Variants in COL13A1 observed in about 807,000 individuals in gnomAD.
COL13A1 encodes the protein collagen type XIII alpha 1 chain.
A neutral mutation model predicts 130.9 loss-of-function variants in COL13A1; 89 were observed. That is an observed-to-expected ratio of 0.68 (90% confidence interval 0.57 to 0.81). The LOEUF (loss-of-function observed/expected upper bound fraction) is 0.81, where lower values mean the gene tolerates loss of function less well. COL13A1 is among the 30% of genes least tolerant of loss of function. COL13A1 has a pLI of 0.00. For missense variants in COL13A1, 879 were observed against 934.6 expected (o/e 0.94, Z 0.78); for synonymous variants, 402 against 341.6 (o/e 1.18, Z -1.95).
chr10:69,824,667 C>T (rs964432799), intron 2 of COL13A1, among the ~76,000 whole-genome samples: 2 of 152,176 alleles, frequency 1.3e-5, no homozygotes, highest in African/African-American at 4.8e-5. Context: ...AGGGCTTGAC[C>T]TTGGTCCTCT....
At position 69,934,562 on chromosome 10, in the gene COL13A1, C is replaced by T. The variant is rs563421626; in HGVS notation, c.1729-788C>T. Among the ~76,000 whole-genome samples the T allele has an allele frequency of 1.4e-3, 208 of 152,326 alleles. 4 individuals carry two copies. In the South Asian group the frequency reaches 0.039, roughly 29 times the overall value. On this transcript the variant is annotated intron_variant, in intron 31 of 40. Transcript: ENST00000645393. ...AGGCACCTGAGGAGAGCCCTGAAGC[C>T]GAGGCGGGGTGAGCAGCTCAGAAGG... is the stretch of plus-strand genomic sequence containing the variant.
chr10:69,899,099 C>T (rs2061943209), intron 14 of COL13A1, among the ~76,000 whole-genome samples: 1 of 152,180 alleles, frequency 6.6e-6, no homozygotes, highest in African/African-American at 2.4e-5. Flanking sequence ...ATGAGGAAAT[C>T]GAGGCTCAGA....
chr10:69,887,913 A>G (rs2060760788), intron 8 of COL13A1, among the ~76,000 whole-genome samples: 1 of 152,098 alleles, frequency 6.6e-6, no homozygotes, highest in Non-Finnish European at 1.5e-5. Context: ...TATGGGGCCT[A>G]AGGCAGGTTC....
At chr10:69,841,558 G>A (rs1418201275) in intron 2 of COL13A1, among the ~76,000 whole-genome samples, 1 of 152,204 alleles carries the variant, frequency 6.6e-6, no homozygotes, top group Non-Finnish European at 1.5e-5. Context: ...TCCATGCCAT[G>A]CCTTTGCTAG....
At chr10:69,918,969 G>A (rs1226034309) in intron 19 of COL13A1, 93 bp from the exon 20 acceptor site, 10 of 1,485,314 alleles carry the variant, frequency 6.7e-6, no homozygotes, top group Non-Finnish European at 9.4e-6. Flanking sequence ...ACCCCACCCT[G>A]ACTGCCCCCA....
intron 17 of COL13A1, among the ~76,000 whole-genome samples, chr10:69,916,192 C>A (rs138217184): frequency 2.3e-3 from 347 of 152,286 alleles, no homozygotes; most frequent in African/African-American, 7.8e-3. Flanking sequence ...ACACCAGATC[C>A]CCTCTGCCTT....
chr10:69,810,374 G>C (rs1253196136), intron 1 of COL13A1, among the ~76,000 whole-genome samples: 1 of 151,352 alleles, frequency 6.6e-6, no homozygotes, highest in Non-Finnish European at 1.5e-5. Flanking sequence ...GAGAGAGAGA[G>C]AGAGAGACAG....
chr10:69,804,916 A>G (rs1841119942), intron 1 of COL13A1, among the ~76,000 whole-genome samples: 1 of 149,770 alleles, frequency 6.7e-6, no homozygotes, highest in Non-Finnish European at 1.5e-5. Context: ...GGTGGCAGTC[A>G]TGGCAGGCTT....
intron 2 of COL13A1, among the ~76,000 whole-genome samples, chr10:69,826,170 T>A (rs1251770572): frequency 4.6e-5 from 7 of 152,196 alleles, no homozygotes; most frequent in Non-Finnish European, 8.8e-5. Flanking sequence ...CAGGACATTA[T>A]AGTCTAGCCA....
chr10:69,893,527 T>C (rs35156591), intron 10 of COL13A1, among the ~76,000 whole-genome samples: 1 of 152,198 alleles, frequency 6.6e-6, no homozygotes, highest in Non-Finnish European at 1.5e-5. Context: ...CATCACAGCA[T>C]GCTGCGGCCA....
At chr10:69,817,198 A>T (rs1189754868) in intron 1 of COL13A1, among the ~76,000 whole-genome samples, 1 of 152,062 alleles carries the variant, frequency 6.6e-6, no homozygotes, top group Non-Finnish European at 1.5e-5. Context: ...CCCCTGATGT[A>T]AATGATCCAA....
At position 69,925,043 on chromosome 10, in the gene COL13A1, G is replaced by C. The variant is rs201059119; in HGVS notation, c.1329+36G>C. On this transcript the variant is annotated intron_variant, in intron 25 of 40. Coordinates refer to ENST00000645393, the MANE Select transcript of COL13A1 (RefSeq NM_001368882.1). ...CTCCCTCCTGGAGTCACAGCGTGAAGCGGCTGGTAAATCAAAAAAGCATCT... is the reference window on the plus strand; with the variant it reads ...CTCCCTCCTGGAGTCACAGCGTGAACCGGCTGGTAAATCAAAAAAGCATCT... The C allele has an allele frequency of 2.7e-6, 4 of 1,506,822 alleles. No individual in the cohort carries two copies. In the East Asian group the frequency reaches 1.0e-4, roughly 38 times the overall value. 93.3% of individuals were successfully genotyped at this position (1,506,822 alleles called of 1,614,324 possible).
chr10:69,887,499 G>A lies in COL13A1; in HGVS notation c.549+8G>A, dbSNP rs1450902533. On this transcript the variant is annotated splice_region_variant and intron_variant, in intron 8 of 40. Transcript: ENST00000645393. Reference sequence around the variant, plus strand: ...GGTTTCCCTGGATTTCCGGTAAGTGGAGAAGGCTGAAGTTAGCTGTGTCCC... The same window carrying A: ...GGTTTCCCTGGATTTCCGGTAAGTGAAGAAGGCTGAAGTTAGCTGTGTCCC... 5.0e-6 allele frequency: 8 copies of A among 1,613,570 alleles called. No homozygotes were observed. The highest frequency in any genetic ancestry group is 6.8e-6 in the Non-Finnish European group (8 of 1,179,822).
intron 10 of COL13A1, among the ~76,000 whole-genome samples, chr10:69,891,552 T>C (rs2061172433): frequency 6.6e-6 from 1 of 152,196 alleles, no homozygotes; most frequent in Non-Finnish European, 1.5e-5. Flanking sequence ...CTGCCTCCGC[T>C]GCAAATGCAT....
intron 15 of COL13A1, 117 bp downstream of exon 15, chr10:69,902,972 T>C (rs1428949465): frequency 1.7e-5 from 13 of 751,330 alleles, no homozygotes; most frequent in East Asian, 9.0e-5. Flanking sequence ...GGCAGGGCCA[T>C]TGGATGTGGG....
rs753393306 is a variant in COL13A1 at position 69,888,289 on chromosome 10, C to G, written c.550-15C>G. 4.3e-6 allele frequency: 7 copies of G among 1,612,726 alleles called. No homozygotes were observed. The highest frequency in any genetic ancestry group is 5.1e-6 in the Non-Finnish European group (6 of 1,179,426). ...TGTGATGCTCAGTCTTTACATCTGG[C>G]CTTTCTGGTTTCAGGGTCCCATTGG... On this transcript the variant is annotated splice_polypyrimidine_tract_variant and intron_variant, in intron 8 of 40. Transcript: ENST00000645393.
chr10:69,830,197 C>T (rs976394210), intron 2 of COL13A1, among the ~76,000 whole-genome samples: 10 of 152,264 alleles, frequency 6.6e-5, no homozygotes, highest in Non-Finnish European at 1.2e-4. Flanking sequence ...AGTAAAGAAT[C>T]GTGTCCAATA....
chr10:69,874,396 T>C (rs2059380139), intron 4 of COL13A1, among the ~76,000 whole-genome samples: 1 of 152,246 alleles, frequency 6.6e-6, no homozygotes, highest in South Asian at 2.1e-4. Context: ...CCAGGTTTTA[T>C]GATGTCTGCA....
chr10:69,918,039 G>A (rs1320709563), intron 18 of COL13A1, among the ~76,000 whole-genome samples: 1 of 151,882 alleles, frequency 6.6e-6, no homozygotes, highest in Admixed American at 6.6e-5. Context: ...CAGGAGCCAT[G>A]CAGGTGGTTG....
Sources: allele counts gnomAD v4.1 joint callset (sites outside exome capture counted in the v4.1 genomes callset), GRCh38; gene constraint gnomAD v4.1.1; transcripts MANE v1.5; gene names NCBI Gene and HGNC (gene_info 2026-07-23, HGNC 2026-07-21).